The following POU2AF1 variants were observed in gnomAD, a reference collection of about 807,000 sequenced individuals.
POU2AF1 encodes POU class 2 homeobox associating factor 1, also known as POU domain class 2-associating factor 1.
Under a neutral mutation model 26.3 loss-of-function variants are expected in POU2AF1, and 12 were observed. The observed-to-expected ratio is 0.46, with a 90% CI of 0.29 to 0.74. The LOEUF (loss-of-function observed/expected upper bound fraction) is 0.74. POU2AF1 is among the 30% of genes least tolerant of loss of function. POU2AF1 has a pLI of 0.09. For synonymous variants in POU2AF1, 175 were observed against 148.0 expected, an observed-to-expected ratio of 1.18 and a Z score of -1.32; for missense variants, 297 against 334.5, an observed-to-expected ratio of 0.89 and a Z score of 0.87.
intron 2 of POU2AF1, 148 bp downstream of exon 2, chr11:111,358,639 CT>C: frequency 2.0e-6 from 2 of 1,010,304 alleles, no homozygotes; most frequent in Non-Finnish European, 1.5e-6. Flanking sequence ...CTCTCTCACA[CT>C]ATCACACTCT....
intron 1 of POU2AF1, among the ~76,000 whole-genome samples, chr11:111,375,386 G>GTA (rs1360995937): frequency 1.6e-4 from 14 of 87,138 alleles, no homozygotes; most frequent in Admixed American, 3.2e-4. Flanking sequence ...AGGATACTGA[G>GTA]TATCTTTTTT....
At position 111,357,700 on chromosome 11, in the gene POU2AF1, G is replaced by A. The variant is rs376988380; in HGVS notation, c.201C>T (p.Cys67=). The part of the protein sequence containing the change: ...LATYTTVGPS[C]LDMEGSVSAV... ...CAGACACAGAACCTTCCATGTCCAG[G>A]CAGGAAGGACCTGTGGGAAGAAGGA... is the stretch of plus-strand genomic sequence containing the variant. The change falls in exon 4 of 5, where the codon TGC becomes TGT. Residue 67 remains cysteine, a synonymous_variant. Transcript: ENST00000393067. 3.1e-6 allele frequency: 5 copies of A among 1,612,620 alleles called. No individual in the cohort carries two copies. The highest frequency in any genetic ancestry group is 4.2e-6 in the Non-Finnish European group (5 of 1,179,338).
Position 111,353,450 on chromosome 11 carries a change from C to A in POU2AF1, c.*811G>T. On this transcript the variant is annotated 3_prime_UTR_variant, in exon 5 of 5. Coordinates refer to ENST00000393067, the MANE Select transcript of POU2AF1 (RefSeq NM_006235.3). ...TCGTCACTGGCCTGTCCCCACCCACCCTGATGTTCTTTTCTCCCTGCCACC... is the reference window on the plus strand; with the variant it reads ...TCGTCACTGGCCTGTCCCCACCCACACTGATGTTCTTTTCTCCCTGCCACC... The A allele has an allele frequency of 4.3e-6, 1 of 233,826 alleles. No individual in the cohort carries two copies. The highest frequency in any genetic ancestry group is 8.4e-6 in the Non-Finnish European group (1 of 118,434). The allele number at this position is 233,826 out of a possible 1,614,324, so 14.5% of individuals were successfully genotyped here. A position where few individuals can be genotyped will look rare whatever the true frequency, so the allele number is the denominator to read the frequency against.
At chr11:111,354,664 C>T (rs1179521621) in intron 4 of POU2AF1, 89 bp from the exon 5 acceptor site, 25 of 1,156,024 alleles carry the variant, frequency 2.2e-5, no homozygotes, top group South Asian at 1.7e-4. Flanking sequence ...CCATCTCCCC[C>T]TTCAATTCTG....
At position 111,366,297 on chromosome 11, in the gene POU2AF1, A is replaced by G. The variant is rs115418077; in HGVS notation, c.17-7379T>C. ...CAGGAATTATAAACACATCACTCATATATCCTGCAATCTGGATGATACCCA... is the reference window on the plus strand; with the variant it reads ...CAGGAATTATAAACACATCACTCATGTATCCTGCAATCTGGATGATACCCA... On this transcript the variant is annotated intron_variant, in intron 1 of 4. Transcript: ENST00000393067. Among the ~76,000 whole-genome samples, 480 of 152,340 alleles carry G rather than the reference A, an allele frequency of 3.2e-3. 2 individuals are homozygous for G. Among genetic ancestry groups the G allele is most frequent in the African/African-American group, 0.011 (452 of 41,586 alleles).
chr11:111,362,290 A>AT (rs1231792203), intron 1 of POU2AF1, among the ~76,000 whole-genome samples: 2 of 152,206 alleles, frequency 1.3e-5, no homozygotes, highest in African/African-American at 4.8e-5. Context: ...CCCCTCAAGC[A>AT]TTTGTCACCT....
At position 111,354,507 on chromosome 11, in the gene POU2AF1, G is replaced by A. The variant is rs1860804289; in HGVS notation, c.525C>T (p.Thr175=). ...AAAGGGGCTGAGGCCACGGGAAATA[G>A]GTGAGGGGTGCCTGGTGCTCTGGGC... ...LEGPEHQAPL[T]YFPWPQPLST... is the part of the protein sequence containing the mutation. Residue 175 remains threonine (T), a synonymous_variant, in exon 5 of 5, where the codon ACC becomes ACT. Coordinates refer to ENST00000393067, the MANE Select transcript of POU2AF1 (RefSeq NM_006235.3). The A allele has an allele frequency of 6.3e-7, 1 of 1,589,584 alleles. No homozygotes were observed. The highest frequency in any genetic ancestry group is 8.5e-7 in the Non-Finnish European group (1 of 1,170,450).
intron 4 of POU2AF1, 100 bp from the exon 5 acceptor site, chr11:111,354,675 C>T: frequency 9.2e-7 from 1 of 1,088,832 alleles, no homozygotes; most frequent in East Asian, 2.9e-5. Flanking sequence ...TTCAATTCTG[C>T]CCTTTCCTGG....
intron 1 of POU2AF1, chr11:111,363,337 A>G: frequency 9.8e-7 from 1 of 1,024,476 alleles, no homozygotes; most frequent in South Asian, 4.6e-5. Flanking sequence ...AGTGCTCATG[A>G]AATATCAGAA....
intron 1 of POU2AF1, among the ~76,000 whole-genome samples, chr11:111,373,924 C>G (rs1861260890): frequency 6.6e-6 from 1 of 152,106 alleles, no homozygotes; most frequent in African/African-American, 2.4e-5. Context: ...AATCAATTAG[C>G]CAACTTTGGT....
chr11:111,378,392 G>T (rs1297907886), intron 1 of POU2AF1, among the ~76,000 whole-genome samples: 1 of 152,186 alleles, frequency 6.6e-6, no homozygotes, highest in African/African-American at 2.4e-5. Flanking sequence ...ATGAGTTGAC[G>T]CTGTTTACCT....
chr11:111,359,018 T>G, intron 1 of POU2AF1, 100 bp from the exon 2 acceptor site: 2 of 1,499,590 alleles, frequency 1.3e-6, no homozygotes, highest in Non-Finnish European at 1.8e-6. Flanking sequence ...CCCTAAGTCG[T>G]GCTTGAACAC....
chr11:111,356,413 G>C (rs1215971835), intron 4 of POU2AF1, among the ~76,000 whole-genome samples: 1 of 152,218 alleles, frequency 6.6e-6, no homozygotes. Flanking sequence ...AGGGGCAGGT[G>C]CATCAGGATG....
In POU2AF1 at chr11:111,365,994, G is replaced by A. The variant is rs1305828608; in HGVS notation, c.17-7076C>T. ...CATCTTTAACTGGAACACTAATGTG[G>A]GTGCTTTTCTTACAGTTACGGTCTG... On this transcript the variant is annotated intron_variant, in intron 1 of 4. Coordinates refer to ENST00000393067, the MANE Select transcript of POU2AF1 (RefSeq NM_006235.3). Among the ~76,000 whole-genome samples, 4 of 152,328 alleles carry A rather than the reference G, an allele frequency of 2.6e-5. No individual in the cohort carries two copies. In the South Asian group the frequency reaches 8.3e-4, roughly 32 times the overall value.
At chr11:111,358,634 TC>T (rs1860934821) in intron 2 of POU2AF1, among the ~76,000 whole-genome samples, 153 bp downstream of exon 2, 2 of 134,104 alleles carry the variant, frequency 1.5e-5, no homozygotes, top group Non-Finnish European at 3.3e-5. Flanking sequence ...ACATTCTCTC[TC>T]ACACTATCAC....
At chr11:111,359,177 A>C in intron 1 of POU2AF1, 3 of 561,742 alleles carry the variant, frequency 5.3e-6, no homozygotes, top group Non-Finnish European at 6.2e-6. Flanking sequence ...ATCCGAACCC[A>C]TTTTTCTCAC....
At chr11:111,365,844 C>A (rs909472281) in intron 1 of POU2AF1, among the ~76,000 whole-genome samples, 1 of 136,548 alleles carries the variant, frequency 7.3e-6, no homozygotes, top group Admixed American at 7.9e-5. Context: ...GCGACAGGAG[C>A]GAAACTCCAT....
chr11:111,356,694 C>T (rs921078281), intron 4 of POU2AF1, among the ~76,000 whole-genome samples: 8 of 152,294 alleles, frequency 5.3e-5, no homozygotes, highest in African/African-American at 1.9e-4. Context: ...CCATCAAGCC[C>T]TTGGTTAATG....
chr11:111,372,069 C>G (rs74786342), intron 1 of POU2AF1, among the ~76,000 whole-genome samples: 101,117 of 143,816 alleles, frequency 0.7, 35,948 homozygotes, highest in Admixed American at 0.79. Flanking sequence ...CACACACACA[C>G]AGAGAGAGAG....
Sources: allele counts gnomAD v4.1 joint callset (sites outside exome capture counted in the v4.1 genomes callset), GRCh38; gene constraint gnomAD v4.1.1; transcripts MANE v1.5; gene names NCBI Gene and HGNC (gene_info 2026-07-23, HGNC 2026-07-21).